Variants in IQCH observed in about 807,000 individuals in gnomAD.
The protein encoded by IQCH is IQ domain-containing protein H.
Under a neutral mutation model 117.0 loss-of-function variants are expected in IQCH, and 98 were observed. That is an observed-to-expected ratio of 0.84 (90% CI 0.71 to 0.99). IQCH has a LOEUF of 0.99. IQCH is among the 50% of genes least tolerant of loss of function. The pLI, the probability that IQCH is intolerant of heterozygous loss-of-function variation, is 0.00. For missense variants in IQCH, 1,102 were observed against 1,243.8 expected, an observed-to-expected ratio of 0.89 and a Z score of 1.72; for synonymous variants, 412 against 448.2, an observed-to-expected ratio of 0.92 and a Z score of 1.02.
rs182291328 is a variant in IQCH, at chr15:67,501,721, C to T, written c.*975C>T. 1 of 152,262 alleles carries T rather than the reference C, an allele frequency of 6.6e-6. No homozygotes were observed. Among genetic ancestry groups the T allele is most frequent in the East Asian group, 1.9e-4 (1 of 5,186 alleles). 9.4% of individuals were successfully genotyped at this position (152,262 alleles called of 1,614,324 possible). A position where few individuals can be genotyped will look rare whatever the true frequency, so the allele number is the denominator to read the frequency against. ...ATTGGGGAAAGGAATAGGATTTTTA[C>T]CTGTGGAATTTCAATAATTTGTTAA... is the stretch of plus-strand genomic sequence containing the variant. On this transcript the variant is annotated 3_prime_UTR_variant, in exon 21 of 21. Coordinates refer to ENST00000335894, the MANE Select transcript of IQCH (RefSeq NM_001031715.3). The surrounding 1 kb of genome is among the most constrained non-coding windows in gnomAD (Gnocchi z 5.2).
rs541226546 is a variant in IQCH at position 67,421,500 on chromosome 15, T to G, written c.2428T>G (p.Cys810Gly). The G allele has an allele frequency of 1.9e-6, 3 of 1,614,204 alleles. No homozygotes were observed. Among genetic ancestry groups the G allele is most frequent in the East Asian group, 4.5e-5 (2 of 44,878 alleles). ...TTTGTGCCTCCAAATTGGAAAAGCC[T>G]GCAGAATGAGAGATGTGGTTGGTTA... ...TYLCLQIGKA[C>G]RMRDVVGYFS... The change falls in exon 16 of 21, where the codon TGC (cysteine) becomes GGC (glycine). Residue 810 changes from cysteine (C) to glycine (G), a missense_variant. This residue lies in a region of IQCH where 650 missense variants were observed against 794.3 expected (regional missense o/e 0.82). Coordinates refer to ENST00000335894, the MANE Select transcript of IQCH (RefSeq NM_001031715.3).
chr15:67,417,114 G>C lies in IQCH; in HGVS notation c.2218+63G>C. 1 of 1,400,270 alleles carries C rather than the reference G, an allele frequency of 7.1e-7. No individual in the cohort carries two copies. Among genetic ancestry groups the C allele is most frequent in the Non-Finnish European group, 9.6e-7 (1 of 1,043,018 alleles). 86.7% of individuals were successfully genotyped at this position (1,400,270 alleles called of 1,614,324 possible). ...TACACAACCTTGGATTCTAGTTTTGGGTCAACTGGGGCCAATTTAAATACT... is the reference window on the plus strand; with the variant it reads ...TACACAACCTTGGATTCTAGTTTTGCGTCAACTGGGGCCAATTTAAATACT... On this transcript the variant is annotated intron_variant, in intron 15 of 20. Coordinates refer to ENST00000335894, the MANE Select transcript of IQCH (RefSeq NM_001031715.3). The surrounding 1 kb of genome is among the most constrained non-coding windows in gnomAD (Gnocchi z 4.3).
In IQCH at chr15:67,343,035, A is replaced by C. The variant is rs75405806; in HGVS notation, c.509-1028A>C. 7.0e-3 allele frequency among the ~76,000 whole-genome samples: 1,073 copies of C among 152,316 alleles called. 15 individuals carry two copies. The highest frequency in any genetic ancestry group is 0.025 in the African/African-American group (1,021 of 41,570). On this transcript the variant is annotated intron_variant, in intron 5 of 20. Transcript: ENST00000335894. ...GTGTTTTACAAGTGAACTATTTTTC[A>C]GCTCTCCAACCCTTCAGTGATCATT...
intron 16 of IQCH, among the ~76,000 whole-genome samples, chr15:67,461,992 A>T (rs1052036599): frequency 6.6e-6 from 1 of 151,956 alleles, no homozygotes; most frequent in Admixed American, 6.5e-5. Context: ...AATTTTATTT[A>T]TTTCCCTATT....
At chr15:67,392,748 G>A (rs1971328461) in intron 12 of IQCH, among the ~76,000 whole-genome samples, 1 of 140,058 alleles carries the variant, frequency 7.1e-6, no homozygotes, top group South Asian at 2.2e-4. Context: ...CTGCACTCCA[G>A]CCTGGGTGAC....
rs1014890791 is a variant in IQCH, at chr15:67,387,131, A to G, written c.1457-1700A>G. On this transcript the variant is annotated intron_variant, in intron 11 of 20. Transcript: ENST00000335894. The surrounding 1 kb of genome is among the most constrained non-coding windows in gnomAD (Gnocchi z 4.8). ...TCTTCTTCAAAATACAAGACTTAAG[A>G]TGACTAATTTGATGATTCAGCAATT... 2.0e-5 allele frequency among the ~76,000 whole-genome samples: 3 copies of G among 152,172 alleles called. No homozygotes were observed. Among genetic ancestry groups the G allele is most frequent in the African/African-American group, 7.2e-5 (3 of 41,458 alleles).
chr15:67,334,172 A>G lies in IQCH; in HGVS notation c.388-2803A>G, dbSNP rs150986944. Among the ~76,000 whole-genome samples the G allele has an allele frequency of 6.8e-4, 103 of 152,316 alleles. 4 individuals are homozygous for G. The East Asian group carries it at 0.012, about 18-fold the overall frequency. ...TAGAAGGGACATTGTTCTATTTATA[A>G]TATGATTTATATTATATCATATTAT... On this transcript the variant is annotated intron_variant, in intron 4 of 20. Transcript: ENST00000335894.
chr15:67,273,011 G>T (rs1303444248), intron 3 of IQCH, among the ~76,000 whole-genome samples: 5 of 151,784 alleles, frequency 3.3e-5, no homozygotes, highest in Admixed American at 6.6e-5. Context: ...TTTCATTGTG[G>T]TTAAATTATT....
intron 4 of IQCH, among the ~76,000 whole-genome samples, chr15:67,312,855 A>T (rs989856956): frequency 2.6e-5 from 4 of 152,180 alleles, no homozygotes; most frequent in African/African-American, 9.7e-5. Flanking sequence ...AGATGAATAA[A>T]TACTATTGCT....
chr15:67,422,348 C>T lies in IQCH; in HGVS notation c.2505+771C>T, dbSNP rs565171771. 6.6e-5 allele frequency among the ~76,000 whole-genome samples: 10 copies of T among 152,168 alleles called. No homozygotes were observed. Among genetic ancestry groups the T allele is most frequent in the East Asian group, 3.9e-4 (2 of 5,188 alleles). On this transcript the variant is annotated intron_variant, in intron 16 of 20. Transcript: ENST00000335894. The surrounding 1 kb of genome is among the most constrained non-coding windows in gnomAD (Gnocchi z 4.7). Reference sequence around the variant, plus strand: ...TTGTCTCATTTTTTTCTTTAAAAAACGTACTGAGAGATACCTCATAAATAT... The same window carrying T: ...TTGTCTCATTTTTTTCTTTAAAAAATGTACTGAGAGATACCTCATAAATAT...
rs767445068 is a variant in IQCH, at chr15:67,344,173, C to A, written c.619C>A (p.Arg207Ser). The change falls in exon 6 of 21, where the codon CGT (arginine) becomes AGT (serine). Residue 207 changes from arginine to serine, a missense_variant. Arg to Ser is a moderately radical substitution (Grantham distance 110). This residue lies in a region of IQCH where 452 missense variants were observed against 449.6 expected (regional missense o/e 1.01). Coordinates refer to ENST00000335894, the MANE Select transcript of IQCH (RefSeq NM_001031715.3). ...TCCTCTGCATAGTTTTGATGAAGCACGTAAGATTCCAACTGTAGGTAAGAT... is the reference window on the plus strand; with the variant it reads ...TCCTCTGCATAGTTTTGATGAAGCAAGTAAGATTCCAACTGTAGGTAAGAT... ...AAPLHSFDEA[R>S]KIPTVATFTI... 1 of 1,613,364 alleles carries A rather than the reference C, an allele frequency of 6.2e-7. No individual in the cohort carries two copies. The highest frequency in any genetic ancestry group is 1.1e-5 in the South Asian group (1 of 90,998).
Position 67,475,595 on chromosome 15 carries a change from C to A in IQCH, c.2677-101C>A. On this transcript the variant is annotated intron_variant, in intron 17 of 20. Transcript: ENST00000335894. The surrounding 1 kb of genome is among the most constrained non-coding windows in gnomAD (Gnocchi z 5.7). ...GAACTGGGTGTGGGGGATATAGGAACTCTCAGAATTATCTTCGCAATTTTC... is the reference window on the plus strand; with the variant it reads ...GAACTGGGTGTGGGGGATATAGGAAATCTCAGAATTATCTTCGCAATTTTC... 1.0e-6 allele frequency: 1 copy of A among 1,001,956 alleles called. No individual in the cohort carries two copies. The highest frequency in any genetic ancestry group is 1.5e-6 in the Non-Finnish European group (1 of 671,854). 62.1% of individuals were successfully genotyped at this position (1,001,956 alleles called of 1,614,324 possible). A position where few individuals can be genotyped will look rare whatever the true frequency, so the allele number is the denominator to read the frequency against.
rs550921017 is a variant in IQCH, at chr15:67,381,116, T to C, written c.1373-3820T>C. Among the ~76,000 whole-genome samples the C allele has an allele frequency of 1.4e-4, 22 of 152,324 alleles. 1 individual carries two copies. In the South Asian group the frequency reaches 4.1e-3, roughly 29 times the overall value. On this transcript the variant is annotated intron_variant, in intron 10 of 20. Transcript: ENST00000335894. This position sits in a 1 kb window ranked among gnomAD's most constrained non-coding sequence, Gnocchi z 5.1. ...GGGGCTCAGTCACTCAGTGTGGCCTTGCTCATGTTCTTGGGTTTCTGTGGT... is the reference window on the plus strand; with the variant it reads ...GGGGCTCAGTCACTCAGTGTGGCCTCGCTCATGTTCTTGGGTTTCTGTGGT...
At chr15:67,309,207 A>G (rs1455532678) in intron 4 of IQCH, among the ~76,000 whole-genome samples, 1 of 152,140 alleles carries the variant, frequency 6.6e-6, no homozygotes, top group African/African-American at 2.4e-5. Context: ...AGTGTTCTGA[A>G]AAATATTAGT....
At chr15:67,330,752 G>C (rs779979118) in intron 4 of IQCH, among the ~76,000 whole-genome samples, 1 of 152,150 alleles carries the variant, frequency 6.6e-6, no homozygotes, top group Non-Finnish European at 1.5e-5. Flanking sequence ...TGTATGCTTT[G>C]GCTATTTTTC....
Position 67,401,247 on chromosome 15 carries a change from T to A in IQCH, c.2097+942T>A, listed in dbSNP as rs2140869531. Among the ~76,000 whole-genome samples, 1 of 152,288 alleles carries A rather than the reference T, an allele frequency of 6.6e-6. No individual in the cohort carries two copies. The highest frequency in any genetic ancestry group is 2.1e-4 in the South Asian group (1 of 4,820). ...AGGGATGAATCGTACAACCTTTTAG[T>A]CCCTTCCAAATTTGCTTAATTAAAG... On this transcript the variant is annotated intron_variant, in intron 14 of 20. Transcript: ENST00000335894. This position sits in a 1 kb window ranked among gnomAD's most constrained non-coding sequence, Gnocchi z 4.7.
At chr15:67,480,046 T>TG (rs1229178093) in intron 18 of IQCH, among the ~76,000 whole-genome samples, 1 of 152,202 alleles carries the variant, frequency 6.6e-6, no homozygotes, top group East Asian at 1.9e-4. Flanking sequence ...GAAAGCCATA[T>TG]GGAGAAAGGC....
At chr15:67,448,513 TG>T (rs1173036099) in intron 16 of IQCH, among the ~76,000 whole-genome samples, 2 of 151,864 alleles carry the variant, frequency 1.3e-5, no homozygotes. Context: ...ATGAGAATGA[TG>T]GTTTCCAGTT....
chr15:67,254,970 C>T (rs1485585315), intron 1 of IQCH, 23 bp downstream of exon 1: 24 of 1,606,062 alleles, frequency 1.5e-5, no homozygotes, highest in Non-Finnish European at 2.0e-5. Flanking sequence ...CTTCCCCCGG[C>T]CCTGCCCTGC....
Sources: allele counts gnomAD v4.1 joint callset (sites outside exome capture counted in the v4.1 genomes callset), GRCh38; gene constraint gnomAD v4.1.1; regional missense constraint gnomAD v4.1.1; non-coding constraint Gnocchi (gnomAD v3.1); transcripts MANE v1.5; gene names NCBI Gene and HGNC (gene_info 2026-07-23, HGNC 2026-07-21).